Variants in USP10 observed in about 807,000 individuals in gnomAD.
USP10 encodes the protein ubiquitin specific peptidase 10.
In USP10, 22 loss-of-function variants were observed where a neutral mutation model predicts 84.5. That is an observed-to-expected ratio of 0.26 (90% CI 0.19 to 0.37). The LOEUF (loss-of-function observed/expected upper bound fraction) is 0.37. Ranked by LOEUF, USP10 falls within the 10% of genes least tolerant of loss-of-function variation. The pLI is 1.00. For missense variants in USP10, 1,019 were observed against 998.9 expected, an observed-to-expected ratio of 1.02 and a Z score of -0.27; for synonymous variants, 454 against 387.6, an observed-to-expected ratio of 1.17 and a Z score of -2.01.
chr16:84,759,340 G>T, intron 5 of USP10, 23 bp from the exon 6 acceptor site: 1 of 1,607,120 alleles, frequency 6.2e-7, no homozygotes, highest in Non-Finnish European at 8.5e-7. Context: ...TTTCCTTTAC[G>T]CTTCCTTACT....
At chr16:84,776,775 C>T (rs1449835627) in intron 13 of USP10, among the ~76,000 whole-genome samples, 1 of 152,182 alleles carries the variant, frequency 6.6e-6, no homozygotes, top group Non-Finnish European at 1.5e-5. Context: ...GGACCTGGGC[C>T]TGGGTTGCTC....
chr16:84,747,352 A>G (rs1388281233), intron 4 of USP10, among the ~76,000 whole-genome samples: 1 of 152,212 alleles, frequency 6.6e-6, no homozygotes, highest in Non-Finnish European at 1.5e-5. Flanking sequence ...GATGGTCAGA[A>G]TTGTGTAAAA....
intron 1 of USP10, among the ~76,000 whole-genome samples, chr16:84,702,503 A>G (rs1226913786): frequency 6.6e-6 from 1 of 152,186 alleles, no homozygotes; most frequent in Admixed American, 6.5e-5. Context: ...TACTGTCCTA[A>G]GAGTCTTGCA....
intron 13 of USP10, among the ~76,000 whole-genome samples, chr16:84,777,520 T>C (rs904519505): frequency 1.3e-5 from 2 of 152,198 alleles, no homozygotes; most frequent in African/African-American, 4.8e-5. Flanking sequence ...AGGATGAAGC[T>C]ATGCCCTTGG....
At chr16:84,743,204 A>G (rs1360427928) in intron 3 of USP10, among the ~76,000 whole-genome samples, 1 of 152,222 alleles carries the variant, frequency 6.6e-6, no homozygotes, top group Non-Finnish European at 1.5e-5. Context: ...AGCCAAAGGA[A>G]TTAGATGGTC....
intron 1 of USP10, chr16:84,704,980 C>G (rs1373448580): frequency 2.1e-6 from 3 of 1,401,750 alleles, no homozygotes; most frequent in African/African-American, 2.8e-5. Context: ...GGGCCCAGCA[C>G]CTGCTACCGT....
At chr16:84,773,110 C>A (rs1914623218) in intron 12 of USP10, among the ~76,000 whole-genome samples, 1 of 152,106 alleles carries the variant, frequency 6.6e-6, no homozygotes, top group Admixed American at 6.5e-5. Flanking sequence ...TGGTGGCGCA[C>A]AAATAAGACG....
At chr16:84,720,955 G>A (rs1364311250) in intron 1 of USP10, among the ~76,000 whole-genome samples, 2 of 147,594 alleles carry the variant, frequency 1.4e-5, no homozygotes, top group African/African-American at 5.1e-5. Flanking sequence ...GTGCAGTGGC[G>A]CGATCTCAGC....
intron 8 of USP10, among the ~76,000 whole-genome samples, chr16:84,762,252 C>T (rs1160363621): frequency 6.6e-6 from 1 of 152,228 alleles, no homozygotes; most frequent in African/African-American, 2.4e-5. Flanking sequence ...CAAAGACAGA[C>T]AGAAGCAGAC....
intron 13 of USP10, among the ~76,000 whole-genome samples, chr16:84,775,608 C>T (rs1475348564): frequency 6.6e-6 from 1 of 152,146 alleles, no homozygotes; most frequent in African/African-American, 2.4e-5. Context: ...TGGGTGAGCG[C>T]GCCCCCAGCC....
intron 1 of USP10, among the ~76,000 whole-genome samples, chr16:84,719,615 T>A (rs1019315699): frequency 1.3e-5 from 2 of 152,240 alleles, no homozygotes; most frequent in Admixed American, 6.5e-5. Context: ...ATTGGTTACC[T>A]GCTTTTATGT....
chr16:84,705,705 C>T (rs1905395149), intron 1 of USP10, among the ~76,000 whole-genome samples: 1 of 148,812 alleles, frequency 6.7e-6, no homozygotes, highest in South Asian at 2.1e-4. Context: ...CATAATCATG[C>T]CCTTGCTTGC....
chr16:84,753,561 G>A (rs1912183303), intron 4 of USP10, among the ~76,000 whole-genome samples: 1 of 152,182 alleles, frequency 6.6e-6, no homozygotes. Flanking sequence ...TCCAGGTGCG[G>A]AGTGATCTGC....
rs573971339 is a variant in USP10 at position 84,770,543 on chromosome 16, C to T, written c.1999-1998C>T. Among the ~76,000 whole-genome samples the T allele has an allele frequency of 4.7e-4, 72 of 152,156 alleles. No individual in the cohort carries two copies. The East Asian group carries it at 6.0e-3, about 13-fold the overall frequency. ...ATCCCAGCACTTTGGGAGGCCAAGG[C>T]GGGTGGATCACGAGGTCAGGAGATC... On this transcript the variant is annotated intron_variant, in intron 11 of 13. Transcript: ENST00000219473.
At chr16:84,748,302 A>C (rs763366931) in intron 4 of USP10, among the ~76,000 whole-genome samples, 51 of 151,546 alleles carry the variant, frequency 3.4e-4, no homozygotes, top group Middle Eastern at 3.4e-3. Flanking sequence ...TGAGAATTTT[A>C]TTTTCTTTTC....
chr16:84,720,408 G>A (rs1907627532), intron 1 of USP10, among the ~76,000 whole-genome samples: 1 of 152,064 alleles, frequency 6.6e-6, no homozygotes, highest in African/African-American at 2.4e-5. Flanking sequence ...GTTTTTGGCA[G>A]TAATTGTCTT....
At chr16:84,708,354 G>A (rs1405039701) in intron 1 of USP10, among the ~76,000 whole-genome samples, 1 of 152,178 alleles carries the variant, frequency 6.6e-6, no homozygotes. Context: ...GAAGGCTGAG[G>A]CAGGAGAATA....
chr16:84,700,558 G>A (rs1002148670), intron 1 of USP10, among the ~76,000 whole-genome samples: 1 of 152,122 alleles, frequency 6.6e-6, no homozygotes, highest in African/African-American at 2.4e-5. Flanking sequence ...AGAGATTTGG[G>A]GGTGCCCTGT....
chr16:84,772,679 A>G lies in USP10; in HGVS notation c.2137A>G (p.Ser713Gly), dbSNP rs1394049181. The part of the protein sequence containing the change: ...NIEYPVDLEI[S>G]KELLSPGVKN... ...TGAATATCCTGTGGACTTGGAAATT[A>G]GTAAAGGTAATGCATACATAAGGTC... The change falls in exon 12 of 14, where the codon AGT becomes GGT. Residue 713 changes from serine to glycine, a missense_variant. By Grantham distance (56) the Ser-to-Gly change is moderately conservative. Transcript: ENST00000219473. 6.2e-7 allele frequency: 1 copy of G among 1,613,920 alleles called. No homozygotes were observed. The highest frequency in any genetic ancestry group is 8.5e-7 in the Non-Finnish European group (1 of 1,179,896).
Sources: allele counts gnomAD v4.1 joint callset (sites outside exome capture counted in the v4.1 genomes callset), GRCh38; gene constraint gnomAD v4.1.1; transcripts MANE v1.5; gene names NCBI Gene and HGNC (gene_info 2026-07-23, HGNC 2026-07-21).